Variants in SYNE3 observed in about 807,000 individuals in gnomAD.
The protein encoded by SYNE3 is spectrin repeat containing nuclear envelope family member 3.
SYNE3 carries 100 observed loss-of-function variants against 111.2 expected under a neutral mutation model. That is an observed-to-expected ratio of 0.90 (90% confidence interval 0.77 to 1.06). The LOEUF (loss-of-function observed/expected upper bound fraction) is 1.06. Among genes scored for constraint, SYNE3 ranks in the 50% least tolerant of loss-of-function variants. The pLI is 0.00. For missense variants in SYNE3, 1,160 were observed against 1,240.3 expected (o/e 0.94, Z 0.97); for synonymous variants, 547 against 533.9 (o/e 1.02, Z -0.34).
chr14:95,425,997 C>T (rs1002493440), intron 17 of SYNE3, among the ~76,000 whole-genome samples: 19 of 152,142 alleles, frequency 1.2e-4, no homozygotes, highest in Non-Finnish European at 5.9e-5. Context: ...CAGCAGTTCA[C>T]TGGTCTTAGT....
intron 1 of SYNE3, among the ~76,000 whole-genome samples, chr14:95,515,796 C>T (rs575151115): frequency 6.6e-6 from 1 of 152,366 alleles, no homozygotes; most frequent in East Asian, 1.9e-4. Context: ...AAGTGGTTAA[C>T]TGAAAATATT....
Position 95,439,939 on chromosome 14 carries a change from G to A in SYNE3, c.2048C>T (p.Ala683Val). 1 of 1,612,956 alleles carries A rather than the reference G, an allele frequency of 6.2e-7. No individual in the cohort carries two copies. Among genetic ancestry groups the A allele is most frequent in the South Asian group, 1.1e-5 (1 of 90,926 alleles). Residue 683 changes from alanine to valine, a missense_variant, in exon 12 of 18, where the codon GCC becomes GTC. Ala to Val is a moderately conservative substitution (Grantham distance 64, BLOSUM62 0). Coordinates refer to ENST00000682763, the MANE Select transcript of SYNE3 (RefSeq NM_152592.6). ...AHRGEAGPGD[A>V]ESQEAEFERL... ...CTCAAACTCGGCCTCTTGGGACTCG[G>A]CATCCCCCGGGCCCGCCTCTCCCCG...
In SYNE3 at chr14:95,408,613, C is replaced by T. The variant is rs1292994823; in HGVS notation, c.*9213G>A. 1 of 157,120 alleles carries T rather than the reference C, an allele frequency of 6.4e-6. No individual in the cohort carries two copies. Among genetic ancestry groups the T allele is most frequent in the Non-Finnish European group, 1.4e-5 (1 of 70,596 alleles). The allele number at this position is 157,120 out of a possible 1,614,324, so 9.7% of individuals were successfully genotyped here. ...GTGTCTGTTGTGCTGAAGCCCAGAGCTGGAAGCCAGGGCTGCCCAGTTGTG... is the reference window on the plus strand; with the variant it reads ...GTGTCTGTTGTGCTGAAGCCCAGAGTTGGAAGCCAGGGCTGCCCAGTTGTG... On this transcript the variant is annotated 3_prime_UTR_variant, in exon 18 of 18. Coordinates refer to ENST00000682763, the MANE Select transcript of SYNE3 (RefSeq NM_152592.6).
At chr14:95,483,988 T>A (rs1159097172) in intron 1 of SYNE3, among the ~76,000 whole-genome samples, 1 of 152,126 alleles carries the variant, frequency 6.6e-6, no homozygotes, top group Non-Finnish European at 1.5e-5. Context: ...ACCGGTGGTG[T>A]CTGGTAGGGA....
At chr14:95,422,828 C>T (rs1401253605) in intron 17 of SYNE3, among the ~76,000 whole-genome samples, 1 of 152,256 alleles carries the variant, frequency 6.6e-6, no homozygotes, top group Non-Finnish European at 1.5e-5. Context: ...TCAGTCCCTG[C>T]TGGCTTCCTC....
intron 1 of SYNE3, among the ~76,000 whole-genome samples, chr14:95,501,365 C>T (rs986021080): frequency 6.6e-6 from 1 of 152,334 alleles, no homozygotes; most frequent in Non-Finnish European, 1.5e-5. Flanking sequence ...AGGACCGTGC[C>T]TGTCATACGG....
intron 15 of SYNE3, among the ~76,000 whole-genome samples, chr14:95,436,447 T>A (rs1441807196): frequency 6.6e-6 from 1 of 152,200 alleles, no homozygotes; most frequent in Non-Finnish European, 1.5e-5. Flanking sequence ...GCAGACGGAC[T>A]GGAGGCACTG....
At chr14:95,490,382 G>A (rs1390512335) in intron 1 of SYNE3, among the ~76,000 whole-genome samples, 1 of 152,246 alleles carries the variant, frequency 6.6e-6, no homozygotes, top group African/African-American at 2.4e-5. Flanking sequence ...ACCTTGGCAG[G>A]AGCTAGCTCT....
intron 6 of SYNE3, among the ~76,000 whole-genome samples, chr14:95,454,142 C>G (rs1283703995): frequency 6.6e-6 from 1 of 152,240 alleles, no homozygotes; most frequent in Non-Finnish European, 1.5e-5. Flanking sequence ...CAAGTCATAC[C>G]CAGCCCTCTG....
At chr14:95,475,934 A>C in intron 1 of SYNE3, 99 bp from the exon 2 acceptor site, 2 of 1,210,340 alleles carry the variant, frequency 1.7e-6, no homozygotes, top group South Asian at 4.7e-5. Flanking sequence ...TCCCACCACC[A>C]ACCCTCCCCT....
intron 11 of SYNE3, among the ~76,000 whole-genome samples, chr14:95,441,551 A>G (rs149055735): frequency 9.4e-4 from 144 of 152,394 alleles, no homozygotes; most frequent in African/African-American, 2.9e-3. Flanking sequence ...AAGAATTGGA[A>G]TATCATCATT....
chr14:95,439,290 G>T, intron 13 of SYNE3, 128 bp from the exon 14 acceptor site: 1 of 1,377,684 alleles, frequency 7.3e-7, no homozygotes, highest in Non-Finnish European at 1.0e-6. Context: ...TTGTGAGAAT[G>T]TTCCTGAGGC....
intron 3 of SYNE3, 123 bp downstream of exon 3, chr14:95,467,672 A>G: frequency 8.2e-7 from 1 of 1,220,374 alleles, no homozygotes; most frequent in Non-Finnish European, 1.1e-6. Flanking sequence ...ATCCCAAGAG[A>G]ATATCCTGTC....
In SYNE3 at chr14:95,443,147, C is replaced by T. The variant is rs765651506; in HGVS notation, c.1911+8G>A. 26 of 1,613,538 alleles carry T rather than the reference C, an allele frequency of 1.6e-5. No homozygotes were observed. In the Admixed American group the frequency reaches 4.3e-4, roughly 27 times the overall value. ...GTCAAAGCACAGGCCCTTCTGCCAG[C>T]CCCTTACCTCCAGAGACCTCTGCAG... is the stretch of plus-strand genomic sequence containing the variant. On this transcript the variant is annotated splice_region_variant and intron_variant, in intron 11 of 17. Transcript: ENST00000682763.
At chr14:95,449,561 T>G (rs967308289) in intron 8 of SYNE3, 1 of 985,340 alleles carries the variant, frequency 1.0e-6, no homozygotes, top group Admixed American at 6.1e-5. Context: ...CTGGACTGCC[T>G]GAATGTCGCT....
chr14:95,443,553 T>G, intron 10 of SYNE3: 2 of 405,906 alleles, frequency 4.9e-6, no homozygotes, highest in Non-Finnish European at 4.4e-6. Context: ...ATGGCATCTC[T>G]GGGGACAAAC....
chr14:95,424,178 A>T (rs1595174372), intron 17 of SYNE3, among the ~76,000 whole-genome samples: 1 of 152,170 alleles, frequency 6.6e-6, no homozygotes, highest in East Asian at 1.9e-4. Context: ...GGTGACAGGG[A>T]GAGTCACCTA....
At chr14:95,439,418 C>T (rs1049213343) in intron 13 of SYNE3, among the ~76,000 whole-genome samples, 194 bp downstream of exon 13, 1 of 152,230 alleles carries the variant, frequency 6.6e-6, no homozygotes, top group African/African-American at 2.4e-5. Flanking sequence ...AGGCTAACTC[C>T]CAAGACGGGG....
chr14:95,424,307 G>A (rs1885319003), intron 17 of SYNE3, among the ~76,000 whole-genome samples: 1 of 151,846 alleles, frequency 6.6e-6, no homozygotes, highest in African/African-American at 2.4e-5. Context: ...CCACCAGATG[G>A]TGCATGAACC....
Sources: gnomAD v4.1 joint callset for allele counts (sites outside exome capture counted in the v4.1 genomes callset) on GRCh38, gnomAD v4.1.1 for gene constraint, MANE v1.5 for transcripts, NCBI Gene and HGNC (gene_info 2026-07-23, HGNC 2026-07-21) for gene names.